Variants in ATRNL1 observed in about 807,000 individuals in gnomAD.
The protein encoded by ATRNL1 is attractin-like protein 1.
Under a neutral mutation model 182.7 loss-of-function variants are expected in ATRNL1, and 95 were observed. The observed-to-expected ratio is 0.52, with a 90% CI of 0.44 to 0.62. ATRNL1 has a LOEUF of 0.62. ATRNL1 is among the 20% of genes least tolerant of loss of function. The probability of loss-of-function intolerance (pLI) is 0.00; values close to 1 mark genes in which losing one functional copy is unlikely to be tolerated. For missense variants in ATRNL1, 1,471 were observed against 1,679.5 expected (o/e 0.88, Z 2.17); for synonymous variants, 576 against 568.3 (o/e 1.01, Z -0.19).
At chr10:115,521,653 A>G (rs934933782) in intron 25 of ATRNL1, among the ~76,000 whole-genome samples, 1 of 152,164 alleles carries the variant, frequency 6.6e-6, no homozygotes, top group Non-Finnish European at 1.5e-5. Flanking sequence ...AATGTGTACC[A>G]TGTCTTAGAG....
At chr10:115,263,259 A>G (rs1299634954) in intron 10 of ATRNL1, among the ~76,000 whole-genome samples, 2 of 151,646 alleles carry the variant, frequency 1.3e-5, no homozygotes, top group African/African-American at 4.8e-5. Flanking sequence ...AAGATGCTCA[A>G]CATCACTAAT....
chr10:115,117,086 G>T (rs1398551686), intron 1 of ATRNL1, among the ~76,000 whole-genome samples: 2 of 151,984 alleles, frequency 1.3e-5, no homozygotes, highest in African/African-American at 4.8e-5. Context: ...TGTGGGTACA[G>T]AGTAGGTGTA....
At chr10:115,559,409 G>A (rs1265135935) in intron 26 of ATRNL1, among the ~76,000 whole-genome samples, 2 of 135,404 alleles carry the variant, frequency 1.5e-5, no homozygotes, top group Non-Finnish European at 3.1e-5. Flanking sequence ...TCTCATTCTT[G>A]GTGTTTGTGT....
intron 27 of ATRNL1, among the ~76,000 whole-genome samples, chr10:115,734,306 A>G (rs1449950879): frequency 6.6e-6 from 1 of 152,054 alleles, no homozygotes; most frequent in Non-Finnish European, 1.5e-5. Flanking sequence ...GAGAATTTCT[A>G]TTTTCATGCA....
At chr10:115,690,682 A>C (rs1555047856) in intron 26 of ATRNL1, among the ~76,000 whole-genome samples, 1 of 152,152 alleles carries the variant, frequency 6.6e-6, no homozygotes, top group African/African-American at 2.4e-5. Context: ...ATGTAGAGAT[A>C]TGGGGGCTAT....
intron 10 of ATRNL1, among the ~76,000 whole-genome samples, chr10:115,261,802 G>T (rs535894115): frequency 1.3e-5 from 2 of 152,178 alleles, no homozygotes; most frequent in South Asian, 4.1e-4. Context: ...GCTGAGGCAG[G>T]AGGATTGCTT....
intron 24 of ATRNL1, among the ~76,000 whole-genome samples, chr10:115,484,788 C>G (rs1592722544): frequency 6.6e-6 from 1 of 151,874 alleles, no homozygotes. Flanking sequence ...CGTTTTTAGA[C>G]TATTCAAATA....
chr10:115,131,906 A>C (rs1554875276), intron 5 of ATRNL1, among the ~76,000 whole-genome samples: 1 of 152,122 alleles, frequency 6.6e-6, no homozygotes, highest in African/African-American at 2.4e-5. Flanking sequence ...ACCTAGCTTT[A>C]TATTAAGTCC....
At chr10:115,775,371 G>T (rs185404341) in intron 27 of ATRNL1, among the ~76,000 whole-genome samples, 240 of 152,166 alleles carry the variant, frequency 1.6e-3, no homozygotes, top group African/African-American at 5.6e-3. Context: ...TCAATTTATT[G>T]TATACAGAGC....
At chr10:115,638,629 G>A (rs1460984520) in intron 26 of ATRNL1, among the ~76,000 whole-genome samples, 6 of 152,164 alleles carry the variant, frequency 3.9e-5, no homozygotes, top group Non-Finnish European at 8.8e-5. Context: ...GATATTGGTG[G>A]TAATTGCACA....
At position 115,290,015 on chromosome 10, in the gene ATRNL1, A is replaced by G. The variant is rs190798533; in HGVS notation, c.2415+3618A>G. ...ATATTAAGTCTTCTGATCCATTTGC[A>G]TGGAATGTCATTCCATTTGTTTGGA... On this transcript the variant is annotated intron_variant, in intron 15 of 28. Coordinates refer to ENST00000355044, the MANE Select transcript of ATRNL1 (RefSeq NM_207303.4). Among the ~76,000 whole-genome samples the G allele has an allele frequency of 2.8e-3, 418 of 150,564 alleles. 8 individuals are homozygous for G. The highest frequency in any genetic ancestry group is 1.1e-3 in the Non-Finnish European group (76 of 67,808).
In ATRNL1 at chr10:115,620,464, T is replaced by A. The variant is rs141799744; in HGVS notation, c.3795+70928T>A. ...GATGATCGTTTTGCTTTTAAGCTGC[T>A]TATATAATTTTATGCCCTTAAACCA... On this transcript the variant is annotated intron_variant, in intron 26 of 28. Coordinates refer to ENST00000355044, the MANE Select transcript of ATRNL1 (RefSeq NM_207303.4). Among the ~76,000 whole-genome samples, 392 of 152,314 alleles carry A rather than the reference T, an allele frequency of 2.6e-3. 1 individual carries two copies. Among genetic ancestry groups the A allele is most frequent in the African/African-American group, 9.1e-3 (378 of 41,560 alleles).
intron 10 of ATRNL1, among the ~76,000 whole-genome samples, chr10:115,247,699 A>G (rs1219594587): frequency 6.6e-6 from 1 of 152,232 alleles, no homozygotes; most frequent in Non-Finnish European, 1.5e-5. Context: ...GAAAATCAGT[A>G]TATTAAAGAG....
chr10:115,650,078 G>C (rs1859889030), intron 26 of ATRNL1, among the ~76,000 whole-genome samples: 1 of 152,050 alleles, frequency 6.6e-6, no homozygotes, highest in Non-Finnish European at 1.5e-5. Context: ...TAAATAAATA[G>C]TATTGGATCT....
At chr10:115,897,120 TATACATAC>T (rs761858809) in intron 28 of ATRNL1, among the ~76,000 whole-genome samples, 1 of 151,938 alleles carries the variant, frequency 6.6e-6, no homozygotes, top group African/African-American at 2.4e-5. Flanking sequence ...AATGGGCAAT[TATACATAC>T]ATACATACAT....
chr10:115,646,630 CTTT>C (rs57206126), intron 26 of ATRNL1, among the ~76,000 whole-genome samples: 1 of 143,876 alleles, frequency 7.0e-6, no homozygotes. Flanking sequence ...TTCTTTTTTT[CTTT>C]TTTTTTTTTA....
At chr10:115,625,621 A>G (rs1439612973) in intron 26 of ATRNL1, among the ~76,000 whole-genome samples, 1 of 152,182 alleles carries the variant, frequency 6.6e-6, no homozygotes, top group African/African-American at 2.4e-5. Flanking sequence ...CAGGTGTTTT[A>G]TCTGTACATA....
intron 10 of ATRNL1, among the ~76,000 whole-genome samples, chr10:115,242,809 T>A (rs1850478299): frequency 6.6e-6 from 1 of 152,084 alleles, no homozygotes; most frequent in Non-Finnish European, 1.5e-5. Flanking sequence ...GATTAATCAT[T>A]TGATACTAGT....
intron 26 of ATRNL1, among the ~76,000 whole-genome samples, chr10:115,681,271 TAA>T (rs2133950102): frequency 6.6e-6 from 1 of 152,312 alleles, no homozygotes; most frequent in Non-Finnish European, 1.5e-5. Context: ...CTTGAAAAGT[TAA>T]TAGATCAAAA....
Sources: gnomAD v4.1 joint callset for allele counts (sites outside exome capture counted in the v4.1 genomes callset) on GRCh38, gnomAD v4.1.1 for gene constraint, MANE v1.5 for transcripts, NCBI Gene and HGNC (gene_info 2026-07-23, HGNC 2026-07-21) for gene names.